Variants in ABCB11 observed in about 807,000 individuals in gnomAD.
The protein encoded by ABCB11 is ATP binding cassette subfamily B member 11.
A neutral mutation model predicts 148.0 loss-of-function variants in ABCB11; 95 were observed. The observed-to-expected ratio is 0.64, with a 90% CI of 0.54 to 0.76. The LOEUF is 0.76. Ranked by LOEUF, ABCB11 falls within the 30% of genes least tolerant of loss-of-function variation. ABCB11 has a pLI of 0.00. For synonymous variants in ABCB11, 591 were observed against 555.4 expected, an observed-to-expected ratio of 1.06 and a Z score of -0.90; for missense variants, 1,523 against 1,617.8, an observed-to-expected ratio of 0.94 and a Z score of 1.01.
chr2:168,988,393 A>C (rs778024152), intron 9 of ABCB11, among the ~76,000 whole-genome samples: 3 of 151,938 alleles, frequency 2.0e-5, no homozygotes, highest in Non-Finnish European at 4.4e-5. Context: ...ACTTAACATA[A>C]TGTCCTCCAG....
intron 9 of ABCB11, among the ~76,000 whole-genome samples, chr2:168,989,806 T>C (rs754160282): frequency 4.6e-5 from 7 of 152,058 alleles, no homozygotes; most frequent in Non-Finnish European, 7.4e-5. Flanking sequence ...TTGTTGAGAG[T>C]TTCTGTCAGG....
chr2:168,926,402 T>C (rs1691313203), intron 26 of ABCB11, among the ~76,000 whole-genome samples: 1 of 152,200 alleles, frequency 6.6e-6, no homozygotes, highest in African/African-American at 2.4e-5. Flanking sequence ...TTTCTTCATT[T>C]TAACGTTATT....
intron 11 of ABCB11, among the ~76,000 whole-genome samples, chr2:168,978,503 T>G (rs1386834561): frequency 6.6e-6 from 1 of 152,080 alleles, no homozygotes; most frequent in Non-Finnish European, 1.5e-5. Context: ...CCCCAAATTA[T>G]AAAACAGATA....
At chr2:168,917,783 G>C (rs1241934617), downstream of ABCB11, among the ~76,000 whole-genome samples, 2 of 152,186 alleles carry the variant, frequency 1.3e-5, no homozygotes, top group Non-Finnish European at 2.9e-5. Flanking sequence ...ATTCAGACTA[G>C]AGAATTCATG....
chr2:168,964,241 C>T lies in ABCB11; in HGVS notation c.2143G>A (p.Val715Ile), dbSNP rs1353544286. The change falls in exon 18 of 28, where the codon GTA (valine) becomes ATA (isoleucine). Residue 715 changes from valine (V) to isoleucine (I), a missense_variant. Coordinates refer to ENST00000650372, the MANE Select transcript of ABCB11 (RefSeq NM_003742.4). ...TCTTCATAGGTAGACTTATGATCTA[C>T]AACAGCTAATGGAGGTTCGTGCACC... ...YLVHEPPLAV[V>I]DHKSTYEEDR... 9.6e-6 allele frequency: 15 copies of T among 1,567,330 alleles called. No homozygotes were observed. Among genetic ancestry groups the T allele is most frequent in the African/African-American group, 1.4e-5 (1 of 73,988 alleles).
intron 19 of ABCB11, among the ~76,000 whole-genome samples, chr2:168,950,636 G>T (rs1035344837): frequency 6.6e-6 from 1 of 151,068 alleles, no homozygotes; most frequent in Non-Finnish European, 1.5e-5. Context: ...AAATTATTTG[G>T]TTGTTGCTTG....
rs139014876 is a variant in ABCB11 at position 168,950,218 on chromosome 2, G to A, written c.2344-5257C>T. ...CGCCTATAAATATGTATATATATGT[G>A]TATATGTGTGTGTGTATACATATAT... On this transcript the variant is annotated intron_variant, in intron 19 of 27. Transcript: ENST00000650372. Among the ~76,000 whole-genome samples the A allele has an allele frequency of 1.9e-3, 289 of 150,916 alleles. 4 individuals carry two copies. In the East Asian group the frequency reaches 0.039, roughly 21 times the overall value.
chr2:168,917,744 A>G (rs1690967535), downstream of ABCB11, among the ~76,000 whole-genome samples: 1 of 152,180 alleles, frequency 6.6e-6, no homozygotes, highest in Non-Finnish European at 1.5e-5. Context: ...TCATGTTTTT[A>G]TAAGACTAGA....
chr2:168,992,259 T>C lies in ABCB11; in HGVS notation c.784-1334A>G, dbSNP rs373762997. On this transcript the variant is annotated intron_variant, in intron 8 of 27. Coordinates refer to ENST00000650372, the MANE Select transcript of ABCB11 (RefSeq NM_003742.4). Reference sequence around the variant, plus strand: ...TTTATGAGAAGCTAGAAATGGGTACTGAGATGACTAGAGAAACTAAGCGTT... The same window carrying C: ...TTTATGAGAAGCTAGAAATGGGTACCGAGATGACTAGAGAAACTAAGCGTT... 3.3e-5 allele frequency among the ~76,000 whole-genome samples: 5 copies of C among 152,180 alleles called. 1 individual carries two copies. The highest frequency in any genetic ancestry group is 2.9e-5 in the Non-Finnish European group (2 of 68,006).
chr2:168,945,013 A>ATTTT, intron 19 of ABCB11, 52 bp from the exon 20 acceptor site: 2 of 1,231,168 alleles, frequency 1.6e-6, no homozygotes, highest in Non-Finnish European at 2.3e-6. Context: ...AGAAAAATAA[A>ATTTT]TCTATTTACA....
chr2:169,006,697 T>C (rs1463916845), intron 5 of ABCB11, among the ~76,000 whole-genome samples: 1 of 152,128 alleles, frequency 6.6e-6, no homozygotes, highest in East Asian at 1.9e-4. Flanking sequence ...AACTCATAAG[T>C]AGTTCAGCTA....
In ABCB11 at chr2:168,992,016, T is replaced by A. The variant is rs867155817; in HGVS notation, c.784-1091A>T. Among the ~76,000 whole-genome samples, 745 of 144,762 alleles carry A rather than the reference T, an allele frequency of 5.1e-3. 7 individuals carry two copies. Among genetic ancestry groups the A allele is most frequent in the African/African-American group, 0.019 (727 of 39,248 alleles). 95.0% of individuals were successfully genotyped at this position (144,762 alleles called of 152,430 possible). On this transcript the variant is annotated intron_variant, in intron 8 of 27. Transcript: ENST00000650372. The stretch of plus-strand genomic sequence containing the variant: ...CCATGCCTGGCTATTTAAAAAAAAT[T>A]TTTTTTTTTTTTTTTGTAGAGATGG...
At chr2:169,017,952 G>A in intron 2 of ABCB11, 98 bp downstream of exon 2, 1 of 968,496 alleles carries the variant, frequency 1.0e-6, no homozygotes, top group Non-Finnish European at 1.7e-6. Context: ...ACCTACTGTT[G>A]CTGATTTTTT....
At chr2:169,029,344 T>C (rs1277084488) in intron 1 of ABCB11, among the ~76,000 whole-genome samples, 2 of 152,164 alleles carry the variant, frequency 1.3e-5, no homozygotes, top group Non-Finnish European at 2.9e-5. Flanking sequence ...AGGATACTTT[T>C]GTTATTATCA....
At chr2:168,948,857 T>G (rs1692439221) in intron 19 of ABCB11, among the ~76,000 whole-genome samples, 1 of 151,708 alleles carries the variant, frequency 6.6e-6, no homozygotes, top group South Asian at 2.1e-4. Context: ...GGGGCCCTCC[T>G]TACACGATGG....
In ABCB11 at chr2:168,935,249, A is replaced by C. The variant is rs369798700; in HGVS notation, c.2991T>G (p.Ser997=). ...AGTAACCTCCATATCTGTAGGAAGC[A>C]GAATTCGCAATAAACATGATGCACT... The part of the protein sequence containing the change: ...FAQCIMFIAN[S]ASYRYGGYLI... Residue 997 remains serine (S), a synonymous_variant, in exon 23 of 28, where the codon TCT becomes TCG. Transcript: ENST00000650372. 6.2e-7 allele frequency: 1 copy of C among 1,613,902 alleles called. No homozygotes were observed. Among genetic ancestry groups the C allele is most frequent in the Non-Finnish European group, 8.5e-7 (1 of 1,179,900 alleles).
intron 19 of ABCB11, among the ~76,000 whole-genome samples, chr2:168,947,020 C>G (rs1013329437): frequency 6.6e-5 from 10 of 151,806 alleles, no homozygotes; most frequent in Non-Finnish European, 1.3e-4. Flanking sequence ...AAATGCAACT[C>G]CAAGGGCTAT....
At chr2:168,982,703 C>T (rs1343778123) in intron 10 of ABCB11, among the ~76,000 whole-genome samples, 3 of 152,146 alleles carry the variant, frequency 2.0e-5, no homozygotes, top group Non-Finnish European at 4.4e-5. Flanking sequence ...TGGATTAAAA[C>T]ACTCAACTCA....
intron 25 of ABCB11, among the ~76,000 whole-genome samples, chr2:168,928,029 A>C (rs763516287): frequency 6.6e-6 from 1 of 152,182 alleles, no homozygotes. Flanking sequence ...TTCACTAAAG[A>C]GTCCTAGAAT....
Sources: gnomAD v4.1 joint callset for allele counts (sites outside exome capture counted in the v4.1 genomes callset) on GRCh38, gnomAD v4.1.1 for gene constraint, MANE v1.5 for transcripts, NCBI Gene and HGNC (gene_info 2026-07-23, HGNC 2026-07-21) for gene names.